The following USP26 variants were observed in gnomAD, a reference collection of about 807,000 sequenced individuals.
USP26 encodes ubiquitin specific peptidase 26.
For synonymous variants in USP26, 236 were observed against 240.6 expected, an observed-to-expected ratio of 0.98 and a Z score of 0.18; for missense variants, 649 against 642.3, an observed-to-expected ratio of 1.01 and a Z score of -0.11.
intron 4 of USP26, 31 bp from the exon 5 acceptor site, chrX:133,083,802 A>C (rs1328019513): frequency 9.0e-6 from 1 of 111,696 alleles, no homozygotes; most frequent in Non-Finnish European, 1.9e-5. Flanking sequence ...TTAGGGGAAA[A>C]AAGAAGTTGC....
At position 133,062,064 on chromosome X, in the gene USP26, C is replaced by T. The variant is rs767036067; in HGVS notation, c.-77+21643G>A. Among the ~76,000 whole-genome samples the T allele has an allele frequency of 8.1e-5, 9 of 111,749 alleles. No individual in the cohort carries two copies. The South Asian group carries it at 1.9e-3, about 24-fold the overall frequency. Reference sequence around the variant, plus strand: ...CAGTCTGAAGTCGACCTGAGACAATCGAGCTTGGCGTGGGGAGGGGCTTCC... The same window carrying T: ...CAGTCTGAAGTCGACCTGAGACAATTGAGCTTGGCGTGGGGAGGGGCTTCC... On this transcript the variant is annotated intron_variant, in intron 5 of 5. Transcript: ENST00000511190.
chrX:133,039,433 T>C (rs1048870339), intron 5 of USP26, among the ~76,000 whole-genome samples: 1 of 112,327 alleles, frequency 8.9e-6, no homozygotes, highest in Non-Finnish European at 1.9e-5. Context: ...TCAGTAGTCA[T>C]TCAGAAGCAG....
intron 1 of USP26, among the ~76,000 whole-genome samples, chrX:133,093,709 A>G (rs2067616047): frequency 9.0e-6 from 1 of 111,225 alleles, no homozygotes; most frequent in Admixed American, 9.6e-5. Context: ...AGCCAGGTGC[A>G]GTGGCTCACG....
chrX:133,040,019 C>CT (rs777622713), intron 5 of USP26, among the ~76,000 whole-genome samples: 26 of 110,668 alleles, frequency 2.3e-4, no homozygotes, highest in African/African-American at 7.2e-4. Context: ...GCAACTCCTG[C>CT]TTTTTTTTGC....
Position 133,024,571 on chromosome X carries a change from T to C in USP26, c.*908A>G, listed in dbSNP as rs1441753349. On this transcript the variant is annotated 3_prime_UTR_variant, in exon 6 of 6. Coordinates refer to ENST00000511190, the MANE Select transcript of USP26 (RefSeq NM_031907.3). ...GATTCAAAAGTTATCAGCCTCATTTTTTATTGCCAGGATCCCAGCAACTAT... is the reference window on the plus strand; with the variant it reads ...GATTCAAAAGTTATCAGCCTCATTTCTTATTGCCAGGATCCCAGCAACTAT... 8.9e-6 allele frequency: 1 copy of C among 112,374 alleles called. No homozygotes were observed. The highest frequency in any genetic ancestry group is 2.8e-4 in the East Asian group (1 of 3,563). 9.3% of individuals were successfully genotyped at this position (112,374 alleles called of 1,213,427 possible).
At chrX:133,039,911 C>T (rs1056019721) in intron 5 of USP26, among the ~76,000 whole-genome samples, 1 of 111,495 alleles carries the variant, frequency 9.0e-6, no homozygotes, top group African/African-American at 3.3e-5. Context: ...ATAGTTAGTT[C>T]TTCTTGTTGC....
At chrX:133,061,980 CT>C (rs2067495526) in intron 5 of USP26, among the ~76,000 whole-genome samples, 1 of 111,692 alleles carries the variant, frequency 9.0e-6, no homozygotes, top group African/African-American at 3.3e-5. Flanking sequence ...GCAGGTCCCA[CT>C]CCCATGAAGC....
chrX:133,061,161 A>G (rs1213334446), intron 5 of USP26, among the ~76,000 whole-genome samples: 1 of 111,942 alleles, frequency 8.9e-6, no homozygotes, highest in African/African-American at 3.2e-5. Context: ...ACCTTGACAC[A>G]TGTTAAAAAA....
intron 5 of USP26, among the ~76,000 whole-genome samples, chrX:133,071,879 A>G (rs1221493785): frequency 9.0e-6 from 1 of 111,463 alleles, no homozygotes; most frequent in Non-Finnish European, 1.9e-5. Context: ...CATCCATTGG[A>G]ACGCTCTAAT....
At chrX:133,085,009 A>C (rs1244989183) in intron 4 of USP26, among the ~76,000 whole-genome samples, 1 of 111,039 alleles carries the variant, frequency 9.0e-6, no homozygotes, top group East Asian at 2.9e-4. Context: ...GCTCACTGCA[A>C]CCTCTGCCCC....
At chrX:133,092,778 C>T (rs2067612313) in intron 1 of USP26, among the ~76,000 whole-genome samples, 1 of 111,719 alleles carries the variant, frequency 9.0e-6, no homozygotes, top group Non-Finnish European at 1.9e-5. Context: ...ATCTTAATTC[C>T]TGAAATCTTG....
chrX:133,034,812 G>A (rs2067390471), intron 5 of USP26, among the ~76,000 whole-genome samples: 1 of 110,367 alleles, frequency 9.1e-6, no homozygotes, highest in Admixed American at 9.6e-5. Flanking sequence ...AGACTACAGT[G>A]AGCTGTGATA....
intron 5 of USP26, among the ~76,000 whole-genome samples, chrX:133,054,228 A>G (rs1225616438): frequency 8.9e-6 from 1 of 111,761 alleles, no homozygotes; most frequent in Non-Finnish European, 1.9e-5. Flanking sequence ...TCCTCTAGAC[A>G]GCATTTAATT....
chrX:133,025,861 G>A lies in USP26; in HGVS notation c.2360C>T (p.Ser787Phe). The A allele has an allele frequency of 8.3e-7, 1 of 1,210,496 alleles. No individual in the cohort carries two copies. Among genetic ancestry groups the A allele is most frequent in the Non-Finnish European group, 1.1e-6 (1 of 894,620 alleles). Residue 787 changes from serine to phenylalanine, a missense_variant, in exon 6 of 6, where the codon TCC becomes TTC. Transcript: ENST00000511190. ...KLNLQKSNRN[S>F]LLALGSNKNP... ...CTTATTGGAACCCAGTGCAAGTAGG[G>A]AATTCCTGTTAGACTTCTGTAGATT...
chrX:133,028,659 A>G (rs1245551528), intron 5 of USP26, among the ~76,000 whole-genome samples: 1 of 112,290 alleles, frequency 8.9e-6, no homozygotes, highest in African/African-American at 3.2e-5. Context: ...GACTTTCAGT[A>G]CATAACTGAA....
At chrX:133,061,745 G>T (rs1009600187) in intron 5 of USP26, among the ~76,000 whole-genome samples, 1 of 111,795 alleles carries the variant, frequency 8.9e-6, no homozygotes, top group Non-Finnish European at 1.9e-5. Context: ...GAGGGACTTT[G>T]CTATCCAGCC....
intron 5 of USP26, among the ~76,000 whole-genome samples, chrX:133,061,849 A>C (rs770469648): frequency 1.3e-4 from 15 of 111,619 alleles, no homozygotes; most frequent in African/African-American, 4.9e-4. Flanking sequence ...TCAAGCAAAA[A>C]ACCGGGCGAC....
intron 5 of USP26, among the ~76,000 whole-genome samples, chrX:133,063,104 C>T (rs907840367): frequency 5.4e-5 from 6 of 110,472 alleles, no homozygotes; most frequent in African/African-American, 1.6e-4. Flanking sequence ...ACAGCCGAAT[C>T]GATCAAGTGG....
intron 5 of USP26, among the ~76,000 whole-genome samples, chrX:133,042,217 T>C (rs983206057): frequency 4.5e-5 from 5 of 110,924 alleles, no homozygotes; most frequent in African/African-American, 1.3e-4. Context: ...AGGGAGTGAA[T>C]AGTTCTGTCT....
Sources: allele counts gnomAD v4.1 joint callset (sites outside exome capture counted in the v4.1 genomes callset), GRCh38; gene constraint gnomAD v4.1.1; transcripts MANE v1.5; gene names NCBI Gene and HGNC (gene_info 2026-07-23, HGNC 2026-07-21).